The following ERLEC1 variants were observed in gnomAD, a reference collection of about 807,000 sequenced individuals.
The protein encoded by ERLEC1 is ER lectin.
In ERLEC1, 47 loss-of-function variants were observed where a neutral mutation model predicts 68.0. The observed-to-expected ratio is 0.69, with a 90% CI of 0.55 to 0.88. The LOEUF is 0.88. ERLEC1 is among the 40% of genes least tolerant of loss of function. The pLI is 0.00. For synonymous variants in ERLEC1, 225 were observed against 203.2 expected (o/e 1.11, Z -0.91); for missense variants, 567 against 583.8 (o/e 0.97, Z 0.30).
At chr2:53,795,875 G>A (rs990155000) in intron 2 of ERLEC1, 58 bp from the exon 3 acceptor site, 1 of 1,177,464 alleles carries the variant, frequency 8.5e-7, no homozygotes, top group African/African-American at 1.6e-5. Flanking sequence ...TATCCAAACA[G>A]CAAAGTTGGG....
intron 9 of ERLEC1, 92 bp downstream of exon 9, chr2:53,808,552 T>C (rs1676422873): frequency 7.8e-7 from 1 of 1,289,446 alleles, no homozygotes; most frequent in South Asian, 1.3e-5. Context: ...AAAGAATTTT[T>C]CTCTAGAGAA....
At chr2:53,809,410 C>A in intron 10 of ERLEC1, 137 bp downstream of exon 10, 1 of 652,776 alleles carries the variant, frequency 1.5e-6, no homozygotes, top group Non-Finnish European at 2.5e-6. Context: ...CAAAGTATCT[C>A]CAAATTTTGG....
chr2:53,796,832 A>G (rs553917562), intron 3 of ERLEC1, among the ~76,000 whole-genome samples: 17 of 151,368 alleles, frequency 1.1e-4, no homozygotes, highest in African/African-American at 4.1e-4. Flanking sequence ...ATAACAAATC[A>G]TATCACTTAC....
At position 53,801,747 on chromosome 2, in the gene ERLEC1, C is replaced by A; in HGVS notation, c.784C>A (p.Gln262Lys). ...RASPVNDIFC[Q>K]SLPGSPFKPL... Reference sequence around the variant, plus strand: ...ATCTCCTGTGAATGACATATTTTGTCAATCACTGCCAGGATCTCCATTTAA... The same window carrying A: ...ATCTCCTGTGAATGACATATTTTGTAAATCACTGCCAGGATCTCCATTTAA... The change falls in exon 8 of 14, where the codon CAA becomes AAA. Residue 262 changes from glutamine (Q) to lysine (K), a missense_variant. By Grantham distance (53) the Gln-to-Lys change is moderately conservative. Coordinates refer to ENST00000185150, the MANE Select transcript of ERLEC1 (RefSeq NM_015701.5). The A allele has an allele frequency of 6.2e-7, 1 of 1,614,040 alleles. No homozygotes were observed. The highest frequency in any genetic ancestry group is 1.1e-5 in the South Asian group (1 of 91,056).
rs759228480 is a variant in ERLEC1, at chr2:53,814,612, A to T, written c.1296A>T (p.Val432=). ...CTGACAAACCAAGACAGGTGACTGT[A>T]AAACTAAAGTAAGTTAGACCATCAA... ...DITDKPRQVT[V]KLKCKESDSP... Residue 432 remains valine, a synonymous_variant, in exon 12 of 14, where the codon GTA becomes GTT. Transcript: ENST00000185150. 3.1e-6 allele frequency: 5 copies of T among 1,609,282 alleles called. No individual in the cohort carries two copies.
intron 1 of ERLEC1, among the ~76,000 whole-genome samples, chr2:53,793,095 T>C (rs1466258921): frequency 3.3e-5 from 5 of 152,052 alleles, no homozygotes; most frequent in Non-Finnish European, 7.4e-5. Context: ...AGCCAAATAG[T>C]ACCATAGTTG....
intron 8 of ERLEC1, among the ~76,000 whole-genome samples, chr2:53,806,140 C>G (rs1197436511): frequency 2.0e-5 from 3 of 152,142 alleles, no homozygotes; most frequent in African/African-American, 7.2e-5. Context: ...AAATATAAAT[C>G]TGGCTATCAG....
At chr2:53,793,111 T>A (rs1675499515) in intron 1 of ERLEC1, among the ~76,000 whole-genome samples, 2 of 152,150 alleles carry the variant, frequency 1.3e-5, no homozygotes, top group Admixed American at 1.3e-4. Flanking sequence ...AGTTGCACAG[T>A]ACCATAAGAG....
chr2:53,800,397 T>G (rs1032505864), intron 6 of ERLEC1, among the ~76,000 whole-genome samples: 1 of 152,140 alleles, frequency 6.6e-6, no homozygotes, highest in African/African-American at 2.4e-5. Context: ...TATATTATTA[T>G]TCTGCTTTTA....
At chr2:53,790,000 C>G (rs1675298530) in intron 1 of ERLEC1, among the ~76,000 whole-genome samples, 1 of 139,724 alleles carries the variant, frequency 7.2e-6, no homozygotes, top group African/African-American at 2.7e-5. Flanking sequence ...TCCTGGGCGA[C>G]AGAGGAGTCT....
chr2:53,798,200 A>G (rs1225694452), intron 5 of ERLEC1, among the ~76,000 whole-genome samples: 1 of 152,178 alleles, frequency 6.6e-6, no homozygotes, highest in Non-Finnish European at 1.5e-5. Context: ...ATTTCAAAAT[A>G]AAATAAAATA....
In ERLEC1 at chr2:53,801,873, G is replaced by A. The variant is rs146655630; in HGVS notation, c.879+31G>A. 3.2e-3 allele frequency: 5,050 copies of A among 1,580,448 alleles called. 12 individuals carry two copies. Among genetic ancestry groups the A allele is most frequent in the Non-Finnish European group, 4.1e-3 (4,750 of 1,159,590 alleles). Reference sequence around the variant, plus strand: ...AGAATTGTCTAATGATAGCTTTTTGGTGCTTCATTTTTAAAATTTCAGAGC... The same window carrying A: ...AGAATTGTCTAATGATAGCTTTTTGATGCTTCATTTTTAAAATTTCAGAGC... On this transcript the variant is annotated intron_variant, in intron 8 of 13. Transcript: ENST00000185150.
intron 13 of ERLEC1, among the ~76,000 whole-genome samples, chr2:53,815,736 AT>A (rs1016475750): frequency 5.9e-5 from 9 of 151,410 alleles, no homozygotes; most frequent in African/African-American, 1.9e-4. Context: ...TGTTTAGTTG[AT>A]TTTTTTTCTA....
intron 1 of ERLEC1, 89 bp downstream of exon 1, chr2:53,787,461 C>G (rs1675113255): frequency 1.4e-6 from 2 of 1,457,078 alleles, no homozygotes; most frequent in South Asian, 1.3e-5. Context: ...TTTTTCTCCC[C>G]AAGACCTTCT....
chr2:53,812,201 C>T (rs908536971), intron 10 of ERLEC1, among the ~76,000 whole-genome samples: 2 of 152,136 alleles, frequency 1.3e-5, no homozygotes, highest in Admixed American at 1.3e-4. Context: ...AAGTGTGAGC[C>T]TCCGCGCCCC....
chr2:53,790,853 CAGTTT>C (rs1337365233), intron 1 of ERLEC1, among the ~76,000 whole-genome samples: 3 of 152,188 alleles, frequency 2.0e-5, no homozygotes, highest in Admixed American at 6.5e-5. Flanking sequence ...GTTTAGCACT[CAGTTT>C]TGTTTTTGTG....
rs894383812 is a variant in ERLEC1, at chr2:53,797,871, G to A, written c.490+76G>A. On this transcript the variant is annotated intron_variant, in intron 5 of 13. Coordinates refer to ENST00000185150, the MANE Select transcript of ERLEC1 (RefSeq NM_015701.5). The stretch of plus-strand genomic sequence containing the variant: ...TATATGTTCAAAATGGAATTTACGA[G>A]ATTTTTTTTTTGGACATTGTGTGAA... 2.3e-6 allele frequency: 3 copies of A among 1,319,264 alleles called. No individual in the cohort carries two copies. In the African/African-American group the frequency reaches 4.4e-5, roughly 20 times the overall value. 81.7% of individuals were successfully genotyped at this position (1,319,264 alleles called of 1,614,324 possible).
intron 9 of ERLEC1, 64 bp from the exon 10 acceptor site, chr2:53,809,150 C>T: frequency 9.2e-7 from 1 of 1,092,744 alleles, no homozygotes; most frequent in Non-Finnish European, 1.4e-6. Context: ...CCATTACTGT[C>T]ATGTGGCATT....
At chr2:53,807,697 A>C (rs1676366870) in intron 8 of ERLEC1, among the ~76,000 whole-genome samples, 1 of 152,212 alleles carries the variant, frequency 6.6e-6, no homozygotes, top group South Asian at 2.1e-4. Context: ...AGCAAGTAGC[A>C]AAGTACTTAT....
Sources: gnomAD v4.1 joint callset for allele counts (sites outside exome capture counted in the v4.1 genomes callset) on GRCh38, gnomAD v4.1.1 for gene constraint, MANE v1.5 for transcripts, NCBI Gene and HGNC (gene_info 2026-07-23, HGNC 2026-07-21) for gene names.